Variants in EHMT1 observed in about 807,000 individuals in gnomAD.
EHMT1 encodes histone-lysine N-methyltransferase EHMT1.
EHMT1 carries 15 observed loss-of-function variants against 147.2 expected under a neutral mutation model. That is an observed-to-expected ratio of 0.10 (90% CI 0.07 to 0.16). The LOEUF is 0.16. Among genes scored for constraint, EHMT1 ranks in the 10% least tolerant of loss-of-function variants. EHMT1 has a pLI of 1.00. For synonymous variants in EHMT1, 795 were observed against 709.6 expected (o/e 1.12, Z -1.91); for missense variants, 1,587 against 1,772.4 (o/e 0.90, Z 1.88).
intron 4 of EHMT1, among the ~76,000 whole-genome samples, chr9:137,736,424 A>G (rs763546152): frequency 1.1e-4 from 17 of 152,376 alleles, no homozygotes; most frequent in Non-Finnish European, 2.4e-4. Context: ...ATAACCATAT[A>G]GCAAATAAGA....
At chr9:137,728,683 C>T (rs149219394) in intron 4 of EHMT1, 154 bp downstream of exon 4, 4 of 931,854 alleles carry the variant, frequency 4.3e-6, no homozygotes, top group African/African-American at 1.6e-5. Flanking sequence ...GCCTGTATGC[C>T]TGAGGAGGCA....
intron 1 of EHMT1, among the ~76,000 whole-genome samples, chr9:137,698,549 C>T (rs1943582606): frequency 6.6e-6 from 1 of 152,068 alleles, no homozygotes; most frequent in Non-Finnish European, 1.5e-5. Context: ...GTAGAGTGGG[C>T]AGGGAGGTGG....
intron 6 of EHMT1, chr9:137,745,752 A>G: frequency 2.6e-6 from 1 of 390,520 alleles, no homozygotes; most frequent in Non-Finnish European, 4.5e-6. Flanking sequence ...TTTGCTGAGT[A>G]TGCCGGAGGC....
intron 1 of EHMT1, among the ~76,000 whole-genome samples, chr9:137,656,737 AT>A (rs1938492513): frequency 6.7e-6 from 1 of 150,198 alleles, no homozygotes; most frequent in Non-Finnish European, 1.5e-5. Flanking sequence ...TTTTTTTTTA[AT>A]TTTAATTTTA....
At chr9:137,725,002 C>A (rs1456995748) in intron 3 of EHMT1, among the ~76,000 whole-genome samples, 6 of 148,466 alleles carry the variant, frequency 4.0e-5, no homozygotes, top group Non-Finnish European at 8.9e-5. Flanking sequence ...ATTAGTGTGG[C>A]AGGCGTGTCA....
At chr9:137,778,185 A>G (rs2136717518) in intron 13 of EHMT1, 130 bp downstream of exon 13, 8 of 1,228,248 alleles carry the variant, frequency 6.5e-6, no homozygotes, top group Middle Eastern at 1.8e-4. Flanking sequence ...AATAATTCGT[A>G]TATTTTCACA....
intron 10 of EHMT1, among the ~76,000 whole-genome samples, chr9:137,772,323 C>T (rs1016890753): frequency 1.3e-5 from 2 of 151,014 alleles, no homozygotes; most frequent in African/African-American, 4.9e-5. Context: ...ACGTTTGTCT[C>T]TATTTTTGAA....
intron 16 of EHMT1, among the ~76,000 whole-genome samples, chr9:137,796,315 CA>C (rs1952940953): frequency 6.6e-6 from 1 of 152,178 alleles, no homozygotes; most frequent in African/African-American, 2.4e-5. Context: ...AATTTCTCTT[CA>C]AAAAGGTGTC....
At chr9:137,796,019 T>C (rs777483177) in intron 16 of EHMT1, among the ~76,000 whole-genome samples, 7 of 152,242 alleles carry the variant, frequency 4.6e-5, no homozygotes, top group Non-Finnish European at 1.0e-4. Context: ...TCAGTAGTTA[T>C]GCTGCAGACT....
chr9:137,669,227 C>T (rs1940111908), intron 1 of EHMT1, among the ~76,000 whole-genome samples: 1 of 152,030 alleles, frequency 6.6e-6, no homozygotes, highest in East Asian at 1.9e-4. Flanking sequence ...TCTCGTCTTC[C>T]CTCTCGCACC....
intron 16 of EHMT1, among the ~76,000 whole-genome samples, chr9:137,794,653 A>G (rs990698939): frequency 7.3e-6 from 1 of 137,022 alleles, no homozygotes; most frequent in African/African-American, 3.5e-5. Flanking sequence ...TCTCTAAGAA[A>G]AAAAAAAAAA....
intron 18 of EHMT1, among the ~76,000 whole-genome samples, chr9:137,809,386 G>A (rs1179013886): frequency 6.6e-6 from 1 of 152,236 alleles, no homozygotes; most frequent in African/African-American, 2.4e-5. Context: ...CCTACCTGCA[G>A]AGCCAGTCCC....
At chr9:137,701,051 G>A (rs1415828210) in intron 1 of EHMT1, among the ~76,000 whole-genome samples, 1 of 152,014 alleles carries the variant, frequency 6.6e-6, no homozygotes, top group African/African-American at 2.4e-5. Flanking sequence ...AGCATGAAGG[G>A]GAAAGTGCTG....
At chr9:137,696,077 T>A (rs1437425664) in intron 1 of EHMT1, among the ~76,000 whole-genome samples, 5 of 84,346 alleles carry the variant, frequency 5.9e-5, no homozygotes, top group African/African-American at 2.0e-4. Flanking sequence ...CTGGGGCTAC[T>A]TTGGATATTA....
In EHMT1 at chr9:137,800,900, C is replaced by A; in HGVS notation, c.2628C>A (p.Pro876=). The A allele has an allele frequency of 6.2e-7, 1 of 1,614,118 alleles. No homozygotes were observed. Among genetic ancestry groups the A allele is most frequent in the South Asian group, 1.1e-5 (1 of 91,072 alleles). The change falls in exon 18 of 27, where the codon CCC becomes CCA. Residue 876 remains proline (P), a synonymous_variant. Transcript: ENST00000460843. ...GGCAGGATGACGGAGGCTGGACACC[C>A]ATGATCTGGGCCACAGAGTACAAGC... ...VNCQDDGGWT[P]MIWATEYKHV...
intron 9 of EHMT1, 147 bp downstream of exon 9, chr9:137,758,158 A>G (rs1336620773): frequency 4.0e-5 from 45 of 1,122,060 alleles, no homozygotes; most frequent in Non-Finnish European, 5.6e-5. Context: ...TGTAGACAGG[A>G]TGGGGTGCGT....
At chr9:137,820,417 G>A (rs371415656) in intron 25 of EHMT1, among the ~76,000 whole-genome samples, 1 of 152,252 alleles carries the variant, frequency 6.6e-6, no homozygotes, top group South Asian at 2.1e-4. Context: ...GTTGTCACTC[G>A]TGTGTGCCAC....
At chr9:137,628,548 A>C (rs756510273) in intron 1 of EHMT1, among the ~76,000 whole-genome samples, 1 of 152,198 alleles carries the variant, frequency 6.6e-6, no homozygotes, top group Non-Finnish European at 1.5e-5. Context: ...TGAAAGTGTT[A>C]GGATCACAGG....
intron 1 of EHMT1, among the ~76,000 whole-genome samples, chr9:137,639,686 T>C (rs60462582): frequency 6.6e-6 from 1 of 152,246 alleles, no homozygotes; most frequent in African/African-American, 2.4e-5. Flanking sequence ...TTAATCTCTT[T>C]GTATCTTCAA....
Sources: gnomAD v4.1 joint callset for allele counts (sites outside exome capture counted in the v4.1 genomes callset) on GRCh38, gnomAD v4.1.1 for gene constraint, MANE v1.5 for transcripts, NCBI Gene and HGNC (gene_info 2026-07-23, HGNC 2026-07-21) for gene names.